The following KATNBL1 variants were observed in gnomAD, a reference collection of about 807,000 sequenced individuals.
KATNBL1 encodes katanin regulatory subunit B1 like 1.
In KATNBL1, 28 loss-of-function variants were observed where a neutral mutation model predicts 44.7. That is an observed-to-expected ratio of 0.63 (90% CI 0.46 to 0.86). KATNBL1 has a LOEUF of 0.86. KATNBL1 is among the 40% of genes least tolerant of loss of function. The probability of loss-of-function intolerance (pLI) is 0.00; values close to 1 mark genes in which losing one functional copy is unlikely to be tolerated. For missense variants in KATNBL1, 272 were observed against 350.7 expected (o/e 0.78, Z 1.79); for synonymous variants, 78 against 114.9 (o/e 0.68, Z 2.06).
intron 1 of KATNBL1, among the ~76,000 whole-genome samples, chr15:34,203,464 G>C (rs1890218790): frequency 6.6e-6 from 1 of 152,040 alleles, no homozygotes; most frequent in South Asian, 2.1e-4. Flanking sequence ...CATTCTTTCT[G>C]CTTAAAATAT....
chr15:34,154,471 T>C (rs564802836), intron 3 of KATNBL1, among the ~76,000 whole-genome samples, 173 bp downstream of exon 3: 1 of 152,318 alleles, frequency 6.6e-6, no homozygotes, highest in East Asian at 1.9e-4. Flanking sequence ...AGGACTGTTG[T>C]AAGGAGCAGA....
chr15:34,172,512 C>G (rs942017090), intron 1 of KATNBL1, among the ~76,000 whole-genome samples: 3 of 152,108 alleles, frequency 2.0e-5, no homozygotes, highest in Non-Finnish European at 2.9e-5. Context: ...CCACCTTGGC[C>G]TATCCAAGTG....
At chr15:34,164,709 C>T (rs1888912843) in intron 1 of KATNBL1, among the ~76,000 whole-genome samples, 1 of 152,148 alleles carries the variant, frequency 6.6e-6, no homozygotes, top group South Asian at 2.1e-4. Context: ...TAAGTTGCTC[C>T]CTTATTCTTT....
At position 34,145,360 on chromosome 15, in the gene KATNBL1, T is replaced by G. The variant is rs555593185; in HGVS notation, c.882+38A>C. On this transcript the variant is annotated intron_variant, in intron 9 of 9. Transcript: ENST00000256544. Reference sequence around the variant, plus strand: ...TATAAATGTAAAATATTATTTCTAATTTTTAATGTTTAATTTATAAGCTTA... The same window carrying G: ...TATAAATGTAAAATATTATTTCTAAGTTTTAATGTTTAATTTATAAGCTTA... 3.0e-6 allele frequency: 4 copies of G among 1,350,900 alleles called. No individual in the cohort carries two copies. The South Asian group carries it at 7.8e-5, about 26-fold the overall frequency. The allele number at this position is 1,350,900 out of a possible 1,614,324, so 83.7% of individuals were successfully genotyped here.
At chr15:34,187,971 T>A (rs1228296171) in intron 1 of KATNBL1, among the ~76,000 whole-genome samples, 1 of 149,998 alleles carries the variant, frequency 6.7e-6, no homozygotes, top group Non-Finnish European at 1.5e-5. Context: ...AAACCCCGTA[T>A]CTACTAAAAA....
intron 1 of KATNBL1, among the ~76,000 whole-genome samples, chr15:34,197,545 T>C (rs1232781537): frequency 6.6e-6 from 1 of 152,210 alleles, no homozygotes; most frequent in East Asian, 1.9e-4. Context: ...TTAATATCAG[T>C]TCCTAAATTT....
intron 1 of KATNBL1, among the ~76,000 whole-genome samples, chr15:34,169,927 A>T (rs7497951): frequency 0.33 from 49,604 of 151,796 alleles, 8,479 homozygotes; most frequent in African/African-American, 0.45. Flanking sequence ...TAGGTACTGA[A>T]GAATCATATC....
At chr15:34,167,646 A>G (rs1236686106) in intron 1 of KATNBL1, among the ~76,000 whole-genome samples, 3 of 152,206 alleles carry the variant, frequency 2.0e-5, no homozygotes, top group Non-Finnish European at 4.4e-5. Flanking sequence ...CTTAATTGTC[A>G]GACTCACTAA....
intron 1 of KATNBL1, chr15:34,209,183 A>C (rs1890367531): frequency 6.6e-6 from 1 of 152,188 alleles, no homozygotes; most frequent in African/African-American, 2.4e-5. Context: ...AAACTCCAAA[A>C]AACCCAGCAG....
chr15:34,203,743 A>G (rs889563446), intron 1 of KATNBL1, among the ~76,000 whole-genome samples: 3 of 152,166 alleles, frequency 2.0e-5, no homozygotes, highest in African/African-American at 7.2e-5. Flanking sequence ...GCTGGAGTGC[A>G]GTAGCACGAT....
chr15:34,163,881 C>T (rs1888884133), intron 1 of KATNBL1, among the ~76,000 whole-genome samples, 191 bp from the exon 2 acceptor site: 1 of 149,468 alleles, frequency 6.7e-6, no homozygotes, highest in Non-Finnish European at 1.5e-5. Flanking sequence ...AATTAAGGAT[C>T]TTTCTGTCCT....
chr15:34,197,696 T>A (rs1260737882), intron 1 of KATNBL1, among the ~76,000 whole-genome samples: 1 of 152,248 alleles, frequency 6.6e-6, no homozygotes, highest in Non-Finnish European at 1.5e-5. Context: ...TTTGGCTTAT[T>A]TTTATCAATT....
chr15:34,180,461 C>A (rs1889484978), intron 1 of KATNBL1, among the ~76,000 whole-genome samples: 1 of 151,966 alleles, frequency 6.6e-6, no homozygotes, highest in South Asian at 2.1e-4. Flanking sequence ...TCTCCTTGTT[C>A]CCTTACCATT....
chr15:34,165,109 A>AT (rs1259449290), intron 1 of KATNBL1, among the ~76,000 whole-genome samples: 9 of 152,240 alleles, frequency 5.9e-5, no homozygotes, highest in African/African-American at 2.2e-4. Flanking sequence ...CAATAATACA[A>AT]TAAGTACTCT....
intron 1 of KATNBL1, among the ~76,000 whole-genome samples, chr15:34,197,204 T>G (rs1213873191): frequency 5.9e-5 from 9 of 152,250 alleles, no homozygotes; most frequent in African/African-American, 2.2e-4. Context: ...ATGTTTTAGT[T>G]TGCTTTTGAA....
intron 2 of KATNBL1, among the ~76,000 whole-genome samples, chr15:34,159,782 T>C (rs1597434202): frequency 6.6e-6 from 1 of 152,304 alleles, no homozygotes; most frequent in South Asian, 2.1e-4. Flanking sequence ...AATAGATTTG[T>C]CCCTGCATCC....
chr15:34,193,779 G>A (rs944153103), intron 1 of KATNBL1, among the ~76,000 whole-genome samples: 1 of 144,646 alleles, frequency 6.9e-6, no homozygotes, highest in Non-Finnish European at 1.5e-5. Flanking sequence ...TTGAGCCCAG[G>A]AGGTTGAGGC....
intron 1 of KATNBL1, among the ~76,000 whole-genome samples, chr15:34,200,483 G>A (rs1427218657): frequency 1.3e-5 from 2 of 150,730 alleles, no homozygotes; most frequent in African/African-American, 2.4e-5. Context: ...GGCTGGTCTC[G>A]AACGCCTGAC....
At chr15:34,148,561 T>A (rs1042466372) in intron 5 of KATNBL1, 71 bp downstream of exon 5, 1 of 896,074 alleles carries the variant, frequency 1.1e-6, no homozygotes, top group East Asian at 2.6e-5. Flanking sequence ...GTACTCCAAC[T>A]TGGATGACAA....
Sources: allele counts gnomAD v4.1 joint callset (sites outside exome capture counted in the v4.1 genomes callset), GRCh38; gene constraint gnomAD v4.1.1; transcripts MANE v1.5; gene names NCBI Gene and HGNC (gene_info 2026-07-23, HGNC 2026-07-21).